The following KIFAP3 variants were observed in gnomAD, a reference collection of about 807,000 sequenced individuals.
The protein encoded by KIFAP3 is kinesin associated protein 3.
KIFAP3 carries 68 observed loss-of-function variants against 106.5 expected under a neutral mutation model. That is an observed-to-expected ratio of 0.64 (90% CI 0.53 to 0.78). The LOEUF is 0.78. Among genes scored for constraint, KIFAP3 ranks in the 30% least tolerant of loss-of-function variants. The pLI is 0.00. For synonymous variants in KIFAP3, 320 were observed against 311.5 expected (o/e 1.03, Z -0.29); for missense variants, 780 against 941.8 (o/e 0.83, Z 2.25).
At chr1:169,988,467 A>C (rs72715930) in intron 11 of KIFAP3, among the ~76,000 whole-genome samples, 9 of 152,130 alleles carry the variant, frequency 5.9e-5, no homozygotes, top group Non-Finnish European at 1.0e-4. Flanking sequence ...ATTTTTACCA[A>C]GCAAAAATTA....
chr1:170,073,040 T>C (rs1474119723), intron 1 of KIFAP3, among the ~76,000 whole-genome samples: 1 of 152,072 alleles, frequency 6.6e-6, no homozygotes, highest in Non-Finnish European at 1.5e-5. Context: ...ACTGGTACGA[T>C]AATGTTAAGA....
At chr1:169,934,471 T>G (rs1663674600) in intron 19 of KIFAP3, among the ~76,000 whole-genome samples, 1 of 152,160 alleles carries the variant, frequency 6.6e-6, no homozygotes, top group African/African-American at 2.4e-5. Context: ...AAGTAGTAAA[T>G]CAAGGGTAAG....
intron 1 of KIFAP3, 72 bp downstream of exon 1, chr1:170,074,364 C>G: frequency 6.4e-7 from 1 of 1,555,712 alleles, no homozygotes; most frequent in Non-Finnish European, 8.8e-7. Context: ...CCAGTGACAT[C>G]TCACAGCCAA....
intron 17 of KIFAP3, among the ~76,000 whole-genome samples, chr1:169,968,925 A>G (rs1271459983): frequency 6.6e-6 from 1 of 151,972 alleles, no homozygotes; most frequent in African/African-American, 2.4e-5. Flanking sequence ...CAAGTTGGAA[A>G]AATATCCTAA....
chr1:170,047,009 T>C (rs182195335), intron 2 of KIFAP3, 143 bp from the exon 3 acceptor site: 1 of 423,998 alleles, frequency 2.4e-6, no homozygotes, highest in Non-Finnish European at 3.9e-6. Flanking sequence ...TTAGATATAA[T>C]TAGGCTTAGA....
intron 19 of KIFAP3, among the ~76,000 whole-genome samples, chr1:169,948,514 AGT>A (rs1664562490): frequency 6.6e-6 from 1 of 151,994 alleles, no homozygotes; most frequent in Non-Finnish European, 1.5e-5. Flanking sequence ...CAATTAGGTT[AGT>A]TCTTACAATG....
chr1:170,069,714 A>T (rs184395659), intron 1 of KIFAP3, among the ~76,000 whole-genome samples: 1 of 152,268 alleles, frequency 6.6e-6, no homozygotes, highest in African/African-American at 2.4e-5. Context: ...TATCATACTC[A>T]ATGGTGAAAG....
chr1:170,052,272 C>A (rs1174873810), intron 2 of KIFAP3, among the ~76,000 whole-genome samples: 2 of 152,014 alleles, frequency 1.3e-5, no homozygotes, highest in African/African-American at 4.8e-5. Context: ...TACACCCTCC[C>A]AAGACTAAAC....
chr1:170,041,282 T>A lies in KIFAP3; in HGVS notation c.320-1994A>T, dbSNP rs561321857. ...AGAGAGACTGACTAATTTGAAAAAA[T>A]TCCAAACAAAATTTTCTTTTTTTTT... On this transcript the variant is annotated intron_variant, in intron 3 of 19. Transcript: ENST00000361580. 4.6e-5 allele frequency among the ~76,000 whole-genome samples: 7 copies of A among 152,294 alleles called. No individual in the cohort carries two copies. The South Asian group carries it at 1.5e-3, about 32-fold the overall frequency.
At position 170,058,429 on chromosome 1, in the gene KIFAP3, A is replaced by G. The variant is rs16862993; in HGVS notation, c.33-2993T>C. 7.2e-3 allele frequency among the ~76,000 whole-genome samples: 1,089 copies of G among 152,226 alleles called. 17 individuals carry two copies. Among genetic ancestry groups the G allele is most frequent in the African/African-American group, 0.024 (998 of 41,538 alleles). ...TGCTATGCATCTATTTCCTCCATCT[A>G]CTTGAAAAATACCCAATATATCAGT... On this transcript the variant is annotated intron_variant, in intron 1 of 19. Coordinates refer to ENST00000361580, the MANE Select transcript of KIFAP3 (RefSeq NM_014970.4).
intron 11 of KIFAP3, chr1:169,989,955 G>T: frequency 2.5e-6 from 3 of 1,185,550 alleles, no homozygotes; most frequent in South Asian, 3.1e-5. Flanking sequence ...TTTAGACAAG[G>T]AATTATGTAG....
intron 10 of KIFAP3, among the ~76,000 whole-genome samples, chr1:169,994,357 A>G (rs1667268198): frequency 6.6e-6 from 1 of 152,170 alleles, no homozygotes; most frequent in African/African-American, 2.4e-5. Flanking sequence ...CAACATTTTT[A>G]TATCACAAGG....
intron 7 of KIFAP3, among the ~76,000 whole-genome samples, chr1:170,032,603 A>G (rs1189813084): frequency 6.6e-6 from 1 of 151,730 alleles, no homozygotes; most frequent in Non-Finnish European, 1.5e-5. Flanking sequence ...CAAGCATATG[A>G]GTCAAGCATA....
At chr1:169,968,084 T>C (rs927996179) in intron 17 of KIFAP3, among the ~76,000 whole-genome samples, 2 of 151,912 alleles carry the variant, frequency 1.3e-5, no homozygotes, top group East Asian at 3.9e-4. Context: ...CTTTGAGACT[T>C]GAGTCTATTG....
intron 16 of KIFAP3, among the ~76,000 whole-genome samples, chr1:169,976,919 C>T (rs1666244480): frequency 6.6e-6 from 1 of 152,018 alleles, no homozygotes; most frequent in Non-Finnish European, 1.5e-5. Context: ...GAGATGAGGC[C>T]TCACTATGTA....
chr1:169,973,209 A>T (rs949189458), intron 16 of KIFAP3, among the ~76,000 whole-genome samples: 1 of 148,170 alleles, frequency 6.7e-6, no homozygotes, highest in African/African-American at 2.5e-5. Context: ...CATTTTGGAT[A>T]TATAAAAATT....
intron 11 of KIFAP3, among the ~76,000 whole-genome samples, chr1:169,989,913 A>G: frequency 6.6e-6 from 1 of 152,142 alleles, no homozygotes; most frequent in African/African-American, 2.4e-5. Flanking sequence ...ACTATATATT[A>G]TTTTTCAAGT....
At chr1:169,971,500 G>A (rs756992304) in intron 17 of KIFAP3, among the ~76,000 whole-genome samples, 5 of 151,840 alleles carry the variant, frequency 3.3e-5, no homozygotes, top group South Asian at 2.1e-4. Context: ...AAATGTCAAC[G>A]TATCCATTTA....
rs765664752 is a variant in KIFAP3, at chr1:170,035,513, G to A, written c.558C>T (p.Asp186=). 3 of 1,610,460 alleles carry A rather than the reference G, an allele frequency of 1.9e-6. No individual in the cohort carries two copies. The South Asian group carries it at 3.3e-5, about 18-fold the overall frequency. Reference sequence around the variant, plus strand: ...TAGCTAACTCGACACTTTGCTTCCAGTCTTCTCTCAGGACCCTTGCTAATG... The same window carrying A: ...TAGCTAACTCGACACTTTGCTTCCAATCTTCTCTCAGGACCCTTGCTAATG... ...LGALARVLRE[D]WKQSVELATN... is the part of the protein sequence containing the mutation. Residue 186 remains aspartate (D), a synonymous_variant, in exon 6 of 20, where the codon GAC becomes GAT. Transcript: ENST00000361580.
Sources: allele counts gnomAD v4.1 joint callset (sites outside exome capture counted in the v4.1 genomes callset), GRCh38; gene constraint gnomAD v4.1.1; transcripts MANE v1.5; gene names NCBI Gene and HGNC (gene_info 2026-07-23, HGNC 2026-07-21).